GALNT11: variants seen among roughly 807,000 people sequenced by gnomAD.
GALNT11 encodes the protein polypeptide N-acetylgalactosaminyltransferase 11, also known as UDP-GalNAc:polypeptide N-acetylgalactosaminyltransferase 11.
A neutral mutation model predicts 72.7 loss-of-function variants in GALNT11; 47 were observed. The observed-to-expected ratio is 0.65, with a 90% CI of 0.51 to 0.82. The LOEUF is 0.82. Ranked by LOEUF, GALNT11 falls within the 40% of genes least tolerant of loss-of-function variation. The pLI is 0.00. For synonymous variants in GALNT11, 270 were observed against 286.6 expected, an observed-to-expected ratio of 0.94 and a Z score of 0.58; for missense variants, 677 against 778.4, an observed-to-expected ratio of 0.87 and a Z score of 1.55.
At chr7:152,075,203 T>C (rs918375881) in intron 1 of GALNT11, 1 of 152,324 alleles carries the variant, frequency 6.6e-6, no homozygotes, top group African/African-American at 2.4e-5. Context: ...CCTCTGTGTC[T>C]TTCCAGGTTT....
rs566617741 is a variant in GALNT11, at chr7:152,110,398, A to G, written c.963-130A>G. On this transcript the variant is annotated intron_variant, in intron 6 of 11. Transcript: ENST00000430044. ...CCTGGCTCATTCTCTGATACTGGAT[A>G]AAATGATTCATAATCATTAATTCAA... The G allele has an allele frequency of 1.3e-5, 10 of 751,096 alleles. No homozygotes were observed. The South Asian group carries it at 1.6e-4, about 12-fold the overall frequency. 46.5% of individuals were successfully genotyped at this position (751,096 alleles called of 1,614,324 possible).
At chr7:152,067,881 G>T (rs1028214560) in intron 1 of GALNT11, among the ~76,000 whole-genome samples, 1 of 152,062 alleles carries the variant, frequency 6.6e-6, no homozygotes, top group African/African-American at 2.4e-5. Flanking sequence ...GGAAGGCCTC[G>T]GGAAGCATCC....
intron 1 of GALNT11, among the ~76,000 whole-genome samples, chr7:152,063,919 G>T (rs951553711): frequency 2.6e-5 from 4 of 151,952 alleles, no homozygotes; most frequent in African/African-American, 9.7e-5. Context: ...GATGTGCTGA[G>T]AAGAATGTAT....
intron 1 of GALNT11, among the ~76,000 whole-genome samples, chr7:152,063,968 A>C (rs139072694): frequency 6.6e-6 from 1 of 152,212 alleles, no homozygotes; most frequent in South Asian, 2.1e-4. Context: ...GTAGATGTCT[A>C]TTAAGTCCGC....
At chr7:152,083,444 A>C (rs1183520378) in intron 1 of GALNT11, among the ~76,000 whole-genome samples, 2 of 152,074 alleles carry the variant, frequency 1.3e-5, no homozygotes, top group African/African-American at 2.4e-5. Context: ...TGTTTTCTTT[A>C]TTTATACTAA....
At chr7:152,057,330 G>A (rs1306968363) in intron 1 of GALNT11, among the ~76,000 whole-genome samples, 1 of 142,320 alleles carries the variant, frequency 7.0e-6, no homozygotes, top group African/African-American at 2.6e-5. Context: ...TTTTTGAGAT[G>A]GAGTTTCACT....
chr7:152,104,093 C>G (rs563683549), intron 4 of GALNT11: 1 of 152,210 alleles, frequency 6.6e-6, no homozygotes, highest in Non-Finnish European at 1.5e-5. Flanking sequence ...TGTACCCAAA[C>G]AGGATAGAAG....
Position 152,105,328 on chromosome 7 carries a change from G to C in GALNT11, c.670G>C (p.Gly224Arg), listed in dbSNP as rs2087416564. Residue 224 changes from glycine to arginine, a missense_variant, in exon 5 of 12, where the codon GGG becomes CGG. Transcript: ENST00000430044. ...AGTCATAAGAAATACAAAGCGTGAG[G>C]GGTTGATTCGAGGGAGAATGATTGG... The part of the protein sequence containing the change: ...IKVIRNTKRE[G>R]LIRGRMIGAA... 1 of 1,614,054 alleles carries C rather than the reference G, an allele frequency of 6.2e-7. No individual in the cohort carries two copies. The highest frequency in any genetic ancestry group is 8.5e-7 in the Non-Finnish European group (1 of 1,179,962).
chr7:152,025,800 G>A lies in GALNT11; in HGVS notation c.-123G>A. On this transcript the variant is annotated 5_prime_UTR_variant, in exon 1 of 12. Coordinates refer to ENST00000430044, the MANE Select transcript of GALNT11 (RefSeq NM_022087.4). Reference sequence around the variant, plus strand: ...GGGCAGTTCAGCCCGCGCCGCTCCTGCGGGTCGGACTGGGGCTGTGGCGGG... The same window carrying A: ...GGGCAGTTCAGCCCGCGCCGCTCCTACGGGTCGGACTGGGGCTGTGGCGGG... The A allele has an allele frequency of 4.7e-6, 1 of 211,780 alleles. No homozygotes were observed. Among genetic ancestry groups the A allele is most frequent in the Non-Finnish European group, 1.0e-5 (1 of 97,060 alleles). 13.1% of individuals were successfully genotyped at this position (211,780 alleles called of 1,614,324 possible). A position where few individuals can be genotyped will look rare whatever the true frequency, so the allele number is the denominator to read the frequency against.
chr7:152,097,537 C>T (rs771631077), intron 2 of GALNT11, among the ~76,000 whole-genome samples: 4 of 152,228 alleles, frequency 2.6e-5, no homozygotes, highest in Non-Finnish European at 4.4e-5. Context: ...TGCTCGAAAA[C>T]TTGTACTCAA....
chr7:152,046,517 T>C (rs551819718), intron 1 of GALNT11, among the ~76,000 whole-genome samples: 1 of 152,166 alleles, frequency 6.6e-6, no homozygotes, highest in Non-Finnish European at 1.5e-5. Context: ...GTTGTTATAG[T>C]CTCTTGCTGA....
chr7:152,101,286 G>GC, intron 3 of GALNT11, among the ~76,000 whole-genome samples: 1 of 151,892 alleles, frequency 6.6e-6, no homozygotes, highest in East Asian at 1.9e-4. Flanking sequence ...CTCTTTCATT[G>GC]TTTTTTTTCC....
intron 1 of GALNT11, among the ~76,000 whole-genome samples, chr7:152,041,397 A>G (rs1331676517): frequency 1.3e-5 from 2 of 152,230 alleles, no homozygotes; most frequent in African/African-American, 2.4e-5. Flanking sequence ...TATGAGGACA[A>G]TAATTTTTCC....
intron 1 of GALNT11, among the ~76,000 whole-genome samples, chr7:152,051,627 T>C (rs1407049805): frequency 6.6e-6 from 1 of 152,170 alleles, no homozygotes; most frequent in Non-Finnish European, 1.5e-5. Flanking sequence ...ATTCTGGTAT[T>C]ACTCTCCTCC....
intron 7 of GALNT11, 126 bp from the exon 8 acceptor site, chr7:152,113,120 T>C: frequency 1.7e-5 from 16 of 935,314 alleles, no homozygotes; most frequent in Non-Finnish European, 2.6e-5. Context: ...TTGTATCTAA[T>C]AAGATAAATA....
At chr7:152,095,951 AC>A (rs2086343108) in intron 2 of GALNT11, among the ~76,000 whole-genome samples, 1 of 152,320 alleles carries the variant, frequency 6.6e-6, no homozygotes, top group Non-Finnish European at 1.5e-5. Context: ...ACAGGCAAAA[AC>A]CAGTTGCATT....
At chr7:152,081,909 A>G (rs1476915237) in intron 1 of GALNT11, among the ~76,000 whole-genome samples, 1 of 152,198 alleles carries the variant, frequency 6.6e-6, no homozygotes, top group Non-Finnish European at 1.5e-5. Context: ...TGTAATTAGC[A>G]ACTAATAAAA....
intron 1 of GALNT11, among the ~76,000 whole-genome samples, chr7:152,058,270 T>C (rs1241576788): frequency 1.3e-5 from 2 of 152,218 alleles, no homozygotes; most frequent in Non-Finnish European, 2.9e-5. Flanking sequence ...GGTGAGAGTC[T>C]TGCCTTAACA....
chr7:152,100,716 A>G (rs1327339092), intron 2 of GALNT11, 82 bp from the exon 3 acceptor site: 1 of 1,526,302 alleles, frequency 6.6e-7, no homozygotes, highest in Non-Finnish European at 8.9e-7. Context: ...TAAAGTCAGC[A>G]TTTTCTTAAG....
Sources: allele counts gnomAD v4.1 joint callset (sites outside exome capture counted in the v4.1 genomes callset), GRCh38; gene constraint gnomAD v4.1.1; transcripts MANE v1.5; gene names NCBI Gene and HGNC (gene_info 2026-07-23, HGNC 2026-07-21).